The following ESR1 variants were observed in gnomAD, a reference collection of about 807,000 sequenced individuals.
The protein encoded by ESR1 is estrogen receptor 1, also known as estrogen receptor.
ESR1 carries 12 observed loss-of-function variants against 52.7 expected under a neutral mutation model. The ratio of observed to expected loss-of-function variants is 0.23; its 90% CI spans 0.15 to 0.37. ESR1 has a LOEUF of 0.37. Ranked by LOEUF, ESR1 falls within the 10% of genes least tolerant of loss-of-function variation. The probability of loss-of-function intolerance (pLI) is 1.00; values close to 1 mark genes in which losing one functional copy is unlikely to be tolerated. For synonymous variants in ESR1, 305 were observed against 316.8 expected, an observed-to-expected ratio of 0.96 and a Z score of 0.39; for missense variants, 584 against 779.7, an observed-to-expected ratio of 0.75 and a Z score of 2.99.
chr6:151,963,209 G>T (rs2037873409), intron 4 of ESR1, among the ~76,000 whole-genome samples: 1 of 152,056 alleles, frequency 6.6e-6, no homozygotes, highest in Non-Finnish European at 1.5e-5. Context: ...AGCCCTGTGT[G>T]TTCCTTGAGC....
intron 3 of ESR1, among the ~76,000 whole-genome samples, chr6:151,927,297 A>G (rs2032902245): frequency 6.6e-6 from 1 of 152,126 alleles, no homozygotes; most frequent in Non-Finnish European, 1.5e-5. Context: ...ATTGGTCTCT[A>G]GTTTTACTTT....
intron 2 of ESR1, among the ~76,000 whole-genome samples, chr6:151,873,676 CTAAAA>C (rs2128314949): frequency 6.6e-6 from 1 of 152,314 alleles, no homozygotes; most frequent in South Asian, 2.1e-4. Context: ...ACTGATAAAA[CTAAAA>C]TGTCATAGGT....
At chr6:151,915,740 A>G (rs993967943) in intron 3 of ESR1, among the ~76,000 whole-genome samples, 5 of 152,160 alleles carry the variant, frequency 3.3e-5, no homozygotes, top group Non-Finnish European at 1.5e-5. Context: ...AATGTATCTT[A>G]CCTGGATTTA....
chr6:151,717,051 G>A (rs1430553856), intron 2 of ESR1, among the ~76,000 whole-genome samples: 1 of 152,170 alleles, frequency 6.6e-6, no homozygotes, highest in Admixed American at 6.5e-5. Context: ...GTAGTATCTG[G>A]GCAGGAGTGC....
chr6:152,093,088 C>A (rs1485901082), intron 6 of ESR1, among the ~76,000 whole-genome samples: 2 of 151,968 alleles, frequency 1.3e-5, no homozygotes, highest in Non-Finnish European at 2.9e-5. Flanking sequence ...ACCAGCCTGC[C>A]CAAGATGGCG....
intron 5 of ESR1, among the ~76,000 whole-genome samples, chr6:152,018,840 A>AAG (rs72560603): frequency 8.7e-6 from 1 of 114,880 alleles, no homozygotes; most frequent in South Asian, 3.2e-4. Context: ...TAAAAAAAGA[A>AAG]AAAAAAAAGG....
chr6:151,944,076 C>T, intron 3 of ESR1, 97 bp from the exon 4 acceptor site: 1 of 1,020,148 alleles, frequency 9.8e-7, no homozygotes, highest in Non-Finnish European at 1.5e-6. Context: ...AGTATTTCTT[C>T]AAATAAAATG....
intron 3 of ESR1, among the ~76,000 whole-genome samples, chr6:151,915,645 A>G (rs937013492): frequency 1.3e-5 from 2 of 152,244 alleles, no homozygotes; most frequent in Non-Finnish European, 2.9e-5. Flanking sequence ...AGTATGTTCT[A>G]CTTATCATTG....
chr6:151,796,004 A>C (rs897354914), intron 2 of ESR1, among the ~76,000 whole-genome samples: 6 of 151,606 alleles, frequency 4.0e-5, no homozygotes, highest in South Asian at 4.2e-4. Flanking sequence ...AAAAAAAAAA[A>C]ACCAAAACAC....
At chr6:151,829,811 A>G (rs903387444) in intron 1 of ESR1, among the ~76,000 whole-genome samples, 1 of 152,210 alleles carries the variant, frequency 6.6e-6, no homozygotes, top group African/African-American at 2.4e-5. Flanking sequence ...TGTTTAAGGC[A>G]TGTAATTGTT....
At chr6:152,104,714 C>G (rs1288741732), downstream of ESR1, among the ~76,000 whole-genome samples, 4 of 152,158 alleles carry the variant, frequency 2.6e-5, no homozygotes, top group Admixed American at 2.6e-4. Context: ...GTCTTTGACC[C>G]TGGTTTCTAA....
At chr6:151,935,331 C>A (rs1455918601) in intron 3 of ESR1, among the ~76,000 whole-genome samples, 1 of 152,198 alleles carries the variant, frequency 6.6e-6, no homozygotes, top group Admixed American at 6.5e-5. Flanking sequence ...GGATGAATAA[C>A]CAGACTTGGA....
exon 7 of ESR1, chr6:152,127,233 G>A (rs371938002): frequency 4.6e-5 from 7 of 152,290 alleles, no homozygotes; most frequent in East Asian, 1.9e-4. Context: ...GGTTAACGGG[G>A]TAGGGTCTGG....
chr6:151,987,520 T>C (rs1314995942), intron 4 of ESR1, among the ~76,000 whole-genome samples: 1 of 152,118 alleles, frequency 6.6e-6, no homozygotes, highest in East Asian at 1.9e-4. Flanking sequence ...CCATTTTACG[T>C]GGCAGACTTT....
At position 151,808,234 on chromosome 6, in the gene ESR1, C is replaced by A. The variant is rs2128156858; in HGVS notation, c.322C>A (p.Leu108Met). ...ACTCAACAGCGTGTCTCCGAGCCCG[C>A]TGATGCTACTGCACCCGCCGCCGCA... is the stretch of plus-strand genomic sequence containing the variant. ...PPLNSVSPSP[L>M]MLLHPPPQLS... The change falls in exon 1 of 8, where the codon CTG (leucine) becomes ATG (methionine). Residue 108 changes from leucine (L) to methionine (M), a missense_variant. This residue lies in a region of ESR1 where 251 missense variants were observed against 246.1 expected (regional missense o/e 1.02). Transcript: ENST00000206249. 1 of 1,572,776 alleles carries A rather than the reference C, an allele frequency of 6.4e-7. No individual in the cohort carries two copies. Among genetic ancestry groups the A allele is most frequent in the Non-Finnish European group, 8.6e-7 (1 of 1,159,406 alleles).
At chr6:152,105,745 T>G (rs890743519), downstream of ESR1, among the ~76,000 whole-genome samples, 7 of 151,288 alleles carry the variant, frequency 4.6e-5, no homozygotes, top group African/African-American at 1.7e-4. Context: ...ATTTTTTGAA[T>G]TATTTTCTTA....
intron 2 of ESR1, among the ~76,000 whole-genome samples, chr6:151,720,707 A>G (rs1168942792): frequency 1.3e-5 from 2 of 152,222 alleles, no homozygotes; most frequent in Admixed American, 6.5e-5. Context: ...AAAAGATATG[A>G]TTGGATAAAT....
intron 3 of ESR1, among the ~76,000 whole-genome samples, chr6:151,914,109 C>T (rs1798680951): frequency 6.6e-6 from 1 of 151,978 alleles, no homozygotes; most frequent in South Asian, 2.1e-4. Flanking sequence ...GTCTCCAATT[C>T]CCCCATCATT....
At chr6:151,783,339 C>G (rs1013700429) in intron 2 of ESR1, among the ~76,000 whole-genome samples, 1 of 152,284 alleles carries the variant, frequency 6.6e-6, no homozygotes, top group East Asian at 1.9e-4. Flanking sequence ...GAGAAGGGCA[C>G]GCAATTTGTT....
Sources: gnomAD v4.1 joint callset for allele counts (sites outside exome capture counted in the v4.1 genomes callset) on GRCh38, gnomAD v4.1.1 for gene constraint, gnomAD v4.1.1 regional missense constraint, MANE v1.5 for transcripts, NCBI Gene and HGNC (gene_info 2026-07-23, HGNC 2026-07-21) for gene names.